ENOX1: variants seen among roughly 807,000 people sequenced by gnomAD.
ENOX1 encodes the protein candidate growth-related and time keeping constitutive hydroquinone (NADH) oxidase.
In ENOX1, 42 loss-of-function variants were observed where a neutral mutation model predicts 82.5. The ratio of observed to expected loss-of-function variants is 0.51; its 90% CI spans 0.40 to 0.66. The LOEUF is 0.66. ENOX1 is among the 30% of genes least tolerant of loss of function. The probability of loss-of-function intolerance (pLI) is 0.00; values close to 1 mark genes in which losing one functional copy is unlikely to be tolerated. For synonymous variants in ENOX1, 271 were observed against 282.2 expected (o/e 0.96, Z 0.40); for missense variants, 608 against 811.6 (o/e 0.75, Z 3.05).
intron 1 of ENOX1, among the ~76,000 whole-genome samples, chr13:43,694,594 G>A (rs560656950): frequency 5.3e-4 from 81 of 152,130 alleles, no homozygotes; most frequent in Non-Finnish European, 1.1e-3. Context: ...GTGTAAAAAG[G>A]GGATGATAAT....
intron 2 of ENOX1, among the ~76,000 whole-genome samples, chr13:43,627,830 T>A (rs1407315357): frequency 1.3e-5 from 2 of 152,082 alleles, no homozygotes; most frequent in African/African-American, 4.8e-5. Flanking sequence ...GTCTTCCTTA[T>A]CCTGAGATGG....
chr13:43,585,275 G>T (rs2080926413), intron 2 of ENOX1, among the ~76,000 whole-genome samples: 1 of 152,186 alleles, frequency 6.6e-6, no homozygotes, highest in Non-Finnish European at 1.5e-5. Flanking sequence ...GAAAGAAAAG[G>T]TTCTGCCCTA....
intron 1 of ENOX1, among the ~76,000 whole-genome samples, chr13:43,726,215 CTTT>C (rs112974839): frequency 3.7e-5 from 5 of 135,462 alleles, no homozygotes; most frequent in South Asian, 2.4e-4. Flanking sequence ...AATTTTTCAT[CTTT>C]TTTTTTTTTT....
chr13:43,733,970 C>CA (rs572662625), intron 1 of ENOX1, among the ~76,000 whole-genome samples: 1 of 151,572 alleles, frequency 6.6e-6, no homozygotes, highest in African/African-American at 2.4e-5. Context: ...GCCCCCCAAC[C>CA]AAAAAAAGAA....
At chr13:43,286,427 G>A (rs1315891161) in intron 12 of ENOX1, among the ~76,000 whole-genome samples, 1 of 152,192 alleles carries the variant, frequency 6.6e-6, no homozygotes, top group African/African-American at 2.4e-5. Context: ...CAGGAACACA[G>A]CGTTGGGAAA....
chr13:43,307,469 C>T (rs1264830501), intron 11 of ENOX1, among the ~76,000 whole-genome samples: 1 of 152,158 alleles, frequency 6.6e-6, no homozygotes, highest in African/African-American at 2.4e-5. Flanking sequence ...ACCTCCCTGG[C>T]CTTTAGGGAC....
chr13:43,719,276 T>C (rs2088381716), intron 1 of ENOX1, among the ~76,000 whole-genome samples: 2 of 149,820 alleles, frequency 1.3e-5, no homozygotes, highest in African/African-American at 4.9e-5. Context: ...CACTGAGTTG[T>C]AGTACTCCAT....
chr13:43,728,132 GGAGA>G (rs1275950263), intron 1 of ENOX1, among the ~76,000 whole-genome samples: 3 of 152,024 alleles, frequency 2.0e-5, no homozygotes, highest in Admixed American at 1.3e-4. Context: ...CTTCTTCTCT[GGAGA>G]GAGGTGAAAA....
intron 5 of ENOX1, among the ~76,000 whole-genome samples, chr13:43,376,657 A>C (rs942803237): frequency 6.6e-6 from 1 of 152,226 alleles, no homozygotes; most frequent in African/African-American, 2.4e-5. Context: ...GCAGATTATA[A>C]CAGAAAGTCA....
intron 2 of ENOX1, among the ~76,000 whole-genome samples, chr13:43,556,399 ACTCC>A (rs1433268604): frequency 6.6e-6 from 1 of 152,088 alleles, no homozygotes; most frequent in East Asian, 1.9e-4. Context: ...CACTATTTTG[ACTCC>A]ACCACAGCTT....
chr13:43,785,334 C>A (rs967838953), intron 1 of ENOX1, among the ~76,000 whole-genome samples: 5 of 152,182 alleles, frequency 3.3e-5, no homozygotes, highest in African/African-American at 1.2e-4. Flanking sequence ...CGCTCACCTG[C>A]GTCTCTCCTC....
chr13:43,457,898 T>C (rs1359506008), intron 3 of ENOX1, among the ~76,000 whole-genome samples: 1 of 152,178 alleles, frequency 6.6e-6, no homozygotes, highest in Non-Finnish European at 1.5e-5. Flanking sequence ...AATATATCTA[T>C]TTTTTGGCTC....
rs141548254 is a variant in ENOX1 at position 43,355,105 on chromosome 13, C to T, written c.823+814G>A. Reference sequence around the variant, plus strand: ...TCAAATCCTGACAGTGCTCAGTGACCTCAGGAGGGTCTGACCATCATTTGC... The same window carrying T: ...TCAAATCCTGACAGTGCTCAGTGACTTCAGGAGGGTCTGACCATCATTTGC... On this transcript the variant is annotated intron_variant, in intron 8 of 16. Transcript: ENST00000690772. Among the ~76,000 whole-genome samples, 59 of 152,304 alleles carry T rather than the reference C, an allele frequency of 3.9e-4. 1 individual carries two copies. The Middle Eastern group carries it at 0.01, about 26-fold the overall frequency.
intron 14 of ENOX1, among the ~76,000 whole-genome samples, chr13:43,243,513 C>A (rs1283914305): frequency 6.6e-6 from 1 of 152,178 alleles, no homozygotes; most frequent in Non-Finnish European, 1.5e-5. Context: ...GTCTTGAACT[C>A]CTGGCCTGAA....
intron 14 of ENOX1, among the ~76,000 whole-genome samples, chr13:43,238,600 G>A (rs969561902): frequency 5.9e-5 from 9 of 152,162 alleles, no homozygotes; most frequent in Middle Eastern, 3.4e-3. Context: ...TTGAGCAGAC[G>A]CAAGCTGAAG....
chr13:43,773,306 C>G (rs1401589050), intron 1 of ENOX1, among the ~76,000 whole-genome samples: 1 of 152,146 alleles, frequency 6.6e-6, no homozygotes, highest in East Asian at 1.9e-4. Context: ...CTGAATTGTT[C>G]ACTTTAAAAT....
intron 12 of ENOX1, among the ~76,000 whole-genome samples, chr13:43,287,912 G>A (rs34066316): frequency 2.6e-3 from 399 of 152,272 alleles, no homozygotes; most frequent in Middle Eastern, 6.8e-3. Flanking sequence ...GGAGCCAACC[G>A]TTCCTTCAAG....
chr13:43,771,186 G>A (rs574660099), intron 1 of ENOX1, among the ~76,000 whole-genome samples: 23 of 152,268 alleles, frequency 1.5e-4, no homozygotes, highest in Non-Finnish European at 2.6e-4. Flanking sequence ...AATCCAAGGC[G>A]GGAGGGCAGA....
chr13:43,309,458 G>A (rs1031967927), intron 11 of ENOX1, among the ~76,000 whole-genome samples: 3 of 152,176 alleles, frequency 2.0e-5, no homozygotes, highest in Non-Finnish European at 4.4e-5. Context: ...TCCAAAGAGA[G>A]TATCATAGTG....
Sources: gnomAD v4.1 joint callset for allele counts (sites outside exome capture counted in the v4.1 genomes callset) on GRCh38, gnomAD v4.1.1 for gene constraint, MANE v1.5 for transcripts, NCBI Gene and HGNC (gene_info 2026-07-23, HGNC 2026-07-21) for gene names.